Variants in RPAP2 observed in about 807,000 individuals in gnomAD.
RPAP2 encodes putative RNA polymerase II subunit B1 CTD phosphatase RPAP2.
Under a neutral mutation model 73.1 loss-of-function variants are expected in RPAP2, and 52 were observed. The observed-to-expected ratio is 0.71, with a 90% CI of 0.57 to 0.90. The LOEUF (loss-of-function observed/expected upper bound fraction) is 0.90. Ranked by LOEUF, RPAP2 falls within the 40% of genes least tolerant of loss-of-function variation. The probability of loss-of-function intolerance (pLI) is 0.00; values close to 1 mark genes in which losing one functional copy is unlikely to be tolerated. For synonymous variants in RPAP2, 225 were observed against 242.1 expected, an observed-to-expected ratio of 0.93 and a Z score of 0.65; for missense variants, 598 against 701.8, an observed-to-expected ratio of 0.85 and a Z score of 1.67.
chr1:92,313,816 G>T (rs1367057242), intron 6 of RPAP2, among the ~76,000 whole-genome samples: 1 of 152,214 alleles, frequency 6.6e-6, no homozygotes, highest in African/African-American at 2.4e-5. Flanking sequence ...CTCCTAGCTA[G>T]ATCTGTTGGA....
intron 11 of RPAP2, among the ~76,000 whole-genome samples, chr1:92,366,909 A>G (rs1654959133): frequency 6.6e-6 from 1 of 152,170 alleles, no homozygotes; most frequent in Non-Finnish European, 1.5e-5. Flanking sequence ...GCAAACAGGT[A>G]TTTTGGTTTA....
rs945071767 is a variant in RPAP2, at chr1:92,390,943, T to G, written c.*3932T>G. On this transcript the variant is annotated 3_prime_UTR_variant, in exon 13 of 13. Transcript: ENST00000610020. ...CTCCCACACAATATTAATGGGTGAC[T>G]TTAACACCCCACTGTCAATATTAGA... 7 of 152,128 alleles carry G rather than the reference T, an allele frequency of 4.6e-5. No individual in the cohort carries two copies. Among genetic ancestry groups the G allele is most frequent in the African/African-American group, 1.7e-4 (7 of 41,410 alleles). The allele number at this position is 152,128 out of a possible 1,614,324, so 9.4% of individuals were successfully genotyped here. A position where few individuals can be genotyped will look rare whatever the true frequency, so the allele number is the denominator to read the frequency against.
At chr1:92,354,077 A>T (rs1168633226) in intron 11 of RPAP2, among the ~76,000 whole-genome samples, 2 of 152,180 alleles carry the variant, frequency 1.3e-5, no homozygotes, top group African/African-American at 4.8e-5. Flanking sequence ...TATCCCAAGC[A>T]GCAGCAGTGG....
chr1:92,364,998 TTA>T (rs1654880382), intron 11 of RPAP2, among the ~76,000 whole-genome samples: 1 of 152,208 alleles, frequency 6.6e-6, no homozygotes, highest in Non-Finnish European at 1.5e-5. Flanking sequence ...TGTCTTCACA[TTA>T]TGTCCACTGA....
intron 9 of RPAP2, among the ~76,000 whole-genome samples, chr1:92,333,725 C>A (rs1019382655): frequency 6.6e-6 from 1 of 152,160 alleles, no homozygotes; most frequent in Non-Finnish European, 1.5e-5. Context: ...GAAGACCAAA[C>A]TACCTTACTC....
At chr1:92,325,463 T>G (rs1380191658) in intron 8 of RPAP2, among the ~76,000 whole-genome samples, 1 of 152,150 alleles carries the variant, frequency 6.6e-6, no homozygotes, top group East Asian at 1.9e-4. Context: ...CTGAGCTGCA[T>G]AAACCTACCA....
intron 8 of RPAP2, among the ~76,000 whole-genome samples, chr1:92,332,754 C>T (rs912424319): frequency 4.6e-5 from 7 of 152,124 alleles, no homozygotes; most frequent in South Asian, 4.1e-4. Context: ...CCCCTGCCTT[C>T]TTGAAGGATA....
At chr1:92,368,003 C>T (rs750736884) in intron 11 of RPAP2, among the ~76,000 whole-genome samples, 10 of 152,282 alleles carry the variant, frequency 6.6e-5, no homozygotes, top group Middle Eastern at 3.4e-3. Flanking sequence ...GATCTTCACA[C>T]GTATCACCTA....
rs1652442870 is a variant in RPAP2, at chr1:92,323,623, T to G, written c.703T>G (p.Ser235Ala). The change falls in exon 8 of 13, where the codon TCA becomes GCA. Residue 235 changes from serine (S) to alanine (A), a missense_variant. By Grantham distance (99) the Ser-to-Ala change is moderately conservative. This residue lies in a region of RPAP2 where 506 missense variants were observed against 612.8 expected (regional missense o/e 0.83). Coordinates refer to ENST00000610020, the MANE Select transcript of RPAP2 (RefSeq NM_024813.3). ...SSILPGNRPNSTNIRPQLHQK... is the reference protein window; with the variant it reads ...SSILPGNRPNATNIRPQLHQK... ...CATTCTACCAGGAAACAGACCAAAT[T>G]CAACAAATATTAGACCACAGCTGCA... The G allele has an allele frequency of 6.2e-7, 1 of 1,613,578 alleles. No homozygotes were observed.
intron 6 of RPAP2, among the ~76,000 whole-genome samples, chr1:92,310,092 A>G (rs912893096): frequency 2.6e-5 from 4 of 152,128 alleles, no homozygotes; most frequent in Non-Finnish European, 5.9e-5. Flanking sequence ...CCACTTGATT[A>G]GAAGGAAACA....
At chr1:92,334,082 G>A (rs1557608284) in intron 9 of RPAP2, among the ~76,000 whole-genome samples, 1 of 152,036 alleles carries the variant, frequency 6.6e-6, no homozygotes, top group Non-Finnish European at 1.5e-5. Context: ...GGGCTGTGTT[G>A]AACTTTTCAA....
intron 6 of RPAP2, among the ~76,000 whole-genome samples, chr1:92,309,776 GA>G (rs1651481188): frequency 6.6e-6 from 1 of 152,176 alleles, no homozygotes. Context: ...GCAAAAGTGA[GA>G]AAATAAACTT....
chr1:92,336,106 G>T (rs1557609436), intron 9 of RPAP2, among the ~76,000 whole-genome samples: 1 of 152,148 alleles, frequency 6.6e-6, no homozygotes, highest in Non-Finnish European at 1.5e-5. Context: ...TTAAATAGCT[G>T]CCAAAATGAT....
chr1:92,354,958 G>A (rs1345261377), intron 11 of RPAP2, among the ~76,000 whole-genome samples: 1 of 151,098 alleles, frequency 6.6e-6, no homozygotes, highest in African/African-American at 2.4e-5. Context: ...GAGTGCAGTG[G>A]CACGATCTCA....
At position 92,338,634 on chromosome 1, in the gene RPAP2, G is replaced by A. The variant is rs184132968; in HGVS notation, c.1619+2207G>A. Among the ~76,000 whole-genome samples, 11 of 148,370 alleles carry A rather than the reference G, an allele frequency of 7.4e-5. No homozygotes were observed. In the Admixed American group the frequency reaches 7.7e-4, roughly 10 times the overall value. On this transcript the variant is annotated intron_variant, in intron 10 of 12. Coordinates refer to ENST00000610020, the MANE Select transcript of RPAP2 (RefSeq NM_024813.3). The stretch of plus-strand genomic sequence containing the variant: ...GGGAAGATGAAGGTCAGATCAGGCA[G>A]AGGCTGATCATTGATTTTTTTTTTT...
At chr1:92,364,219 C>CGGTA (rs1654841002) in intron 11 of RPAP2, among the ~76,000 whole-genome samples, 1 of 152,090 alleles carries the variant, frequency 6.6e-6, no homozygotes, top group African/African-American at 2.4e-5. Context: ...ATCTCCATAC[C>CGGTA]ACCAGTAGTT....
chr1:92,355,978 G>GTATC (rs1214301152), intron 11 of RPAP2, among the ~76,000 whole-genome samples: 1 of 152,124 alleles, frequency 6.6e-6, no homozygotes, highest in Non-Finnish European at 1.5e-5. Context: ...GAGTGGTTTA[G>GTATC]TATCTGCACA....
chr1:92,338,467 A>G (rs921959881), intron 10 of RPAP2, among the ~76,000 whole-genome samples: 38 of 152,202 alleles, frequency 2.5e-4, no homozygotes, highest in African/African-American at 8.7e-4. Context: ...TGCATCCAAA[A>G]GGAGATAAAA....
intron 11 of RPAP2, among the ~76,000 whole-genome samples, chr1:92,369,318 G>A (rs1317340941): frequency 2.6e-5 from 4 of 152,144 alleles, no homozygotes; most frequent in African/African-American, 9.7e-5. Context: ...GACAAGGTCT[G>A]TCTCGCTGTT....
Sources: allele counts gnomAD v4.1 joint callset (sites outside exome capture counted in the v4.1 genomes callset), GRCh38; gene constraint gnomAD v4.1.1; regional missense constraint gnomAD v4.1.1; transcripts MANE v1.5; gene names NCBI Gene and HGNC (gene_info 2026-07-23, HGNC 2026-07-21).